Variants in GALNT14 observed in about 807,000 individuals in gnomAD.
GALNT14 encodes the protein UDP-GalNAc:polypeptide N-acetylgalactosaminyltransferase 14.
Under a neutral mutation model 77.5 loss-of-function variants are expected in GALNT14, and 60 were observed. The observed-to-expected ratio is 0.77, with a 90% confidence interval of 0.63 to 0.96. The LOEUF is 0.96. Ranked by LOEUF, GALNT14 falls within the 40% of genes least tolerant of loss-of-function variation. The pLI, the probability that GALNT14 is intolerant of heterozygous loss-of-function variation, is 0.00. For synonymous variants in GALNT14, 280 were observed against 281.7 expected, an observed-to-expected ratio of 0.99 and a Z score of 0.06; for missense variants, 710 against 731.0, an observed-to-expected ratio of 0.97 and a Z score of 0.33.
the GALNT14 span, among the ~76,000 whole-genome samples, chr2:30,895,816 C>G: frequency 2.6e-5 from 4 of 152,202 alleles, no homozygotes; most frequent in Non-Finnish European, 5.9e-5. Flanking sequence ...AAAACCTCCT[C>G]TCCCATGCTT....
chr2:30,911,158 TGA>T, intron 14 of GALNT14, 99 bp from the exon 15 acceptor site: 1 of 1,044,476 alleles, frequency 9.6e-7, no homozygotes, highest in Non-Finnish European at 1.4e-6. Context: ...CTAGGGTCAC[TGA>T]GAGACTTGAT....
downstream of GALNT14, among the ~76,000 whole-genome samples, chr2:30,906,502 G>C (rs546312114): frequency 1.8e-3 from 274 of 149,856 alleles, no homozygotes; most frequent in African/African-American, 6.2e-3. Flanking sequence ...TCAACAAGAA[G>C]AGCTAACTAT....
chr2:30,932,117 T>G lies in GALNT14; in HGVS notation c.1009A>C (p.Lys337Gln). 1 of 1,577,292 alleles carries G rather than the reference T, an allele frequency of 6.3e-7. No individual in the cohort carries two copies. Residue 337 changes from lysine (K) to glutamine (Q), a missense_variant, in exon 10 of 15, where the codon AAG (lysine) becomes CAG (glutamine). Coordinates refer to ENST00000349752, the MANE Select transcript of GALNT14 (RefSeq NM_024572.4). ...PCSRVGHVFR[K>Q]KHPYVFPDGN... ...TCAGGGAAAACGTAGGGGTGCTTCT[T>G]CCGGAAGACGTGCCCCACTCGGCTG...
In GALNT14 at chr2:31,138,313, G is replaced by C. The variant is rs1679322122; in HGVS notation, c.-227C>G. ...ACCCGAAACGTGGCAGGGAAGGACC[G>C]AGGGCAGCCAAGCTGGACGCCCGCT... On this transcript the variant is annotated 5_prime_UTR_variant, in exon 1 of 15. Transcript: ENST00000349752. The C allele has an allele frequency of 3.9e-6, 2 of 514,916 alleles. No individual in the cohort carries two copies. Among genetic ancestry groups the C allele is most frequent in the Non-Finnish European group, 3.4e-6 (1 of 295,196 alleles). 31.9% of individuals were successfully genotyped at this position (514,916 alleles called of 1,614,324 possible).
intron 1 of GALNT14, among the ~76,000 whole-genome samples, chr2:31,052,124 T>G (rs1392961171): frequency 6.6e-6 from 1 of 152,072 alleles, no homozygotes; most frequent in African/African-American, 2.4e-5. Flanking sequence ...GAGGCATCCC[T>G]TCACCTGAAT....
intron 1 of GALNT14, among the ~76,000 whole-genome samples, chr2:30,998,143 C>T (rs1471277785): frequency 6.6e-6 from 1 of 152,218 alleles, no homozygotes; most frequent in Non-Finnish European, 1.5e-5. Flanking sequence ...GAAACTGTCT[C>T]GTTAAGTCTG....
rs186968342 is a variant in GALNT14 at position 30,938,241 on chromosome 2, T to C, written c.931+3960A>G. 2.6e-3 allele frequency among the ~76,000 whole-genome samples: 398 copies of C among 151,976 alleles called. 2 individuals carry two copies. Among genetic ancestry groups the C allele is most frequent in the African/African-American group, 9.1e-3 (378 of 41,446 alleles). On this transcript the variant is annotated intron_variant, in intron 9 of 14. Transcript: ENST00000349752. The stretch of plus-strand genomic sequence containing the variant: ...TCAGGAATCCCATATTCACCCTTCA[T>C]ATATGTGCCAAGGGCTCCTTTTTGG...
intron 13 of GALNT14, among the ~76,000 whole-genome samples, chr2:30,914,651 C>A (rs1664566829): frequency 6.6e-6 from 1 of 152,206 alleles, no homozygotes; most frequent in South Asian, 2.1e-4. Flanking sequence ...CTGAGCCGCC[C>A]CGCCTTTTTC....
At position 30,911,078 on chromosome 2, in the gene GALNT14, G is replaced by A. The variant is rs976965495; in HGVS notation, c.1501-19C>T. 1.5e-5 allele frequency: 24 copies of A among 1,611,392 alleles called. No homozygotes were observed. The highest frequency in any genetic ancestry group is 1.8e-5 in the Non-Finnish European group (21 of 1,178,138). ...TCCATTGCTGGTAAGACAAAGAAGA[G>A]AGTGAATGAACTAGGTGCCATCAGT... On this transcript the variant is annotated intron_variant, in intron 14 of 14. Coordinates refer to ENST00000349752, the MANE Select transcript of GALNT14 (RefSeq NM_024572.4).
intron 1 of GALNT14, among the ~76,000 whole-genome samples, chr2:31,042,168 A>G (rs1419930365): frequency 6.6e-6 from 1 of 152,170 alleles, no homozygotes; most frequent in Non-Finnish European, 1.5e-5. Flanking sequence ...CAGCAAAAGG[A>G]TTCTTCACCT....
chr2:31,125,114 G>A, intron 1 of GALNT14: 1 of 1,425,298 alleles, frequency 7.0e-7, no homozygotes, highest in Non-Finnish European at 9.7e-7. Context: ...CAGAAAAGCA[G>A]CTGGCACCTC....
intron 1 of GALNT14, among the ~76,000 whole-genome samples, chr2:31,051,129 T>C (rs1376024666): frequency 6.6e-6 from 1 of 152,162 alleles, no homozygotes; most frequent in Admixed American, 6.5e-5. Flanking sequence ...TCTGGGCACA[T>C]GTGGTTACAC....
intron 1 of GALNT14, among the ~76,000 whole-genome samples, chr2:31,133,220 T>A (rs1679069278): frequency 6.6e-6 from 1 of 152,104 alleles, no homozygotes; most frequent in African/African-American, 2.4e-5. Flanking sequence ...TTATTGCAAT[T>A]CCCCTGTCTT....
In GALNT14 at chr2:30,934,315, A is replaced by C. The variant is rs142429799; in HGVS notation, c.932-2121T>G. On this transcript the variant is annotated intron_variant, in intron 9 of 14. Coordinates refer to ENST00000349752, the MANE Select transcript of GALNT14 (RefSeq NM_024572.4). ...CAGTCTCATGTCTGTGCTCCAATCAACTCCTCTCCAGAGACTCAAAACAGG... is the reference window on the plus strand; with the variant it reads ...CAGTCTCATGTCTGTGCTCCAATCACCTCCTCTCCAGAGACTCAAAACAGG... Among the ~76,000 whole-genome samples, 732 of 151,722 alleles carry C rather than the reference A, an allele frequency of 4.8e-3. 7 individuals carry two copies. Among genetic ancestry groups the C allele is most frequent in the African/African-American group, 0.017 (696 of 41,314 alleles).
At chr2:31,104,251 G>A (rs564577511) in intron 1 of GALNT14, among the ~76,000 whole-genome samples, 1 of 152,200 alleles carries the variant, frequency 6.6e-6, no homozygotes, top group African/African-American at 2.4e-5. Flanking sequence ...AAGAAAAGTT[G>A]TAAGAACAGT....
intron 1 of GALNT14, among the ~76,000 whole-genome samples, chr2:31,113,586 T>C (rs1677946178): frequency 6.6e-6 from 1 of 152,074 alleles, no homozygotes; most frequent in Admixed American, 6.6e-5. Flanking sequence ...TTCCTTCTGG[T>C]GCTGCAAGGA....
At position 30,992,880 on chromosome 2, in the gene GALNT14, C is replaced by T. The variant is rs373408955; in HGVS notation, c.257G>A (p.Arg86Gln). 2.7e-5 allele frequency: 44 copies of T among 1,614,094 alleles called. No homozygotes were observed. The highest frequency in any genetic ancestry group is 3.5e-5 in the Non-Finnish European group (41 of 1,179,996). The change falls in exon 2 of 15, where the codon CGG (arginine) becomes CAG (glutamine). Residue 86 changes from arginine to glutamine, a missense_variant. By Grantham distance (43) the Arg-to-Gln change is conservative. Transcript: ENST00000349752. ...CGGGATGGCCCGATTGCTGGAGATC[C>T]GCTCACTCTCCCGCTGGTTGAAAGC... ...LYAFNQRESE[R>Q]ISSNRAIPDT...
intron 13 of GALNT14, among the ~76,000 whole-genome samples, chr2:30,913,194 C>T (rs1664477352): frequency 6.6e-6 from 1 of 152,098 alleles, no homozygotes; most frequent in African/African-American, 2.4e-5. Context: ...CTGGCATAAG[C>T]GTTTTCTCCC....
chr2:31,060,777 C>T (rs116183976), intron 1 of GALNT14, among the ~76,000 whole-genome samples: 2,036 of 152,284 alleles, frequency 0.013, 45 homozygotes, highest in African/African-American at 0.046. Flanking sequence ...GGCCCGAAGA[C>T]AGCCAATTCT....
Sources: gnomAD v4.1 joint callset for allele counts (sites outside exome capture counted in the v4.1 genomes callset) on GRCh38, gnomAD v4.1.1 for gene constraint, MANE v1.5 for transcripts, NCBI Gene and HGNC (gene_info 2026-07-23, HGNC 2026-07-21) for gene names.